The following RARS2 variants were observed in gnomAD, a reference collection of about 807,000 sequenced individuals.
RARS2 encodes the protein probable arginine--tRNA ligase, mitochondrial.
RARS2 carries 67 observed loss-of-function variants against 88.5 expected under a neutral mutation model. The observed-to-expected ratio is 0.76, with a 90% CI of 0.62 to 0.93. The LOEUF (loss-of-function observed/expected upper bound fraction) is 0.93, where lower values mean the gene tolerates loss of function less well. RARS2 is among the 40% of genes least tolerant of loss of function. The pLI is 0.00. For missense variants in RARS2, 664 were observed against 684.2 expected (o/e 0.97, Z 0.33); for synonymous variants, 239 against 230.3 (o/e 1.04, Z -0.34).
intron 1 of RARS2, among the ~76,000 whole-genome samples, chr6:87,577,391 T>C (rs1204217214): frequency 6.6e-6 from 1 of 152,082 alleles, no homozygotes; most frequent in Non-Finnish European, 1.5e-5. Context: ...ACGGCATATC[T>C]CACCTTTGTT....
At chr6:87,573,850 C>G (rs925312911) in intron 1 of RARS2, among the ~76,000 whole-genome samples, 2 of 152,148 alleles carry the variant, frequency 1.3e-5, no homozygotes, top group South Asian at 4.1e-4. Context: ...GCAGCAAATA[C>G]ACAAGACAGA....
intron 8 of RARS2, 132 bp from the exon 9 acceptor site, chr6:87,531,074 G>A (rs2128064795): frequency 1.4e-6 from 2 of 1,427,368 alleles, no homozygotes; most frequent in Non-Finnish European, 1.9e-6. Flanking sequence ...ATTACAGAGT[G>A]TAACTTTTTC....
At chr6:87,536,323 T>C (rs927672775) in intron 8 of RARS2, among the ~76,000 whole-genome samples, 12 of 152,312 alleles carry the variant, frequency 7.9e-5, no homozygotes, top group African/African-American at 9.6e-5. Flanking sequence ...GATTTAACAC[T>C]TGTTAACTTT....
chr6:87,530,069 A>C (rs1459198776), intron 9 of RARS2, among the ~76,000 whole-genome samples: 1 of 152,168 alleles, frequency 6.6e-6, no homozygotes. Flanking sequence ...CTCTTCTGTC[A>C]CACTATTCAC....
At chr6:87,519,208 G>GTGTGTGTGTGTA (rs1210109506) in intron 14 of RARS2, 76 of 257,632 alleles carry the variant, frequency 2.9e-4, no homozygotes, top group South Asian at 7.6e-4. Flanking sequence ...GTGTGTGTGT[G>GTGTGTGTGTGTA]TATATATATA....
Position 87,548,750 on chromosome 6 carries a change from T to C in RARS2, c.396-104A>G, listed in dbSNP as rs1783415974. The C allele has an allele frequency of 3.9e-6, 4 of 1,038,438 alleles. No individual in the cohort carries two copies. The Middle Eastern group carries it at 6.2e-4, about 162-fold the overall frequency. 64.3% of individuals were successfully genotyped at this position (1,038,438 alleles called of 1,614,324 possible). A position where few individuals can be genotyped will look rare whatever the true frequency, so the allele number is the denominator to read the frequency against. On this transcript the variant is annotated intron_variant, in intron 5 of 19. Transcript: ENST00000369536. Reference sequence around the variant, plus strand: ...TTGACAAAACTGTGGAGTATGGCCTTTGGTATTAGGGCAAAGATAAGTTAA... The same window carrying C: ...TTGACAAAACTGTGGAGTATGGCCTCTGGTATTAGGGCAAAGATAAGTTAA...
intron 4 of RARS2, among the ~76,000 whole-genome samples, chr6:87,561,285 A>G (rs919185893): frequency 6.6e-6 from 1 of 152,106 alleles, no homozygotes; most frequent in Non-Finnish European, 1.5e-5. Flanking sequence ...GTTTTATGTG[A>G]TTTTGTTCCC....
chr6:87,532,896 A>G (rs185005743), intron 8 of RARS2, among the ~76,000 whole-genome samples: 22 of 152,364 alleles, frequency 1.4e-4, no homozygotes, highest in Admixed American at 3.3e-4. Flanking sequence ...AAGGGTCCCC[A>G]TAAGATAGTA....
At chr6:87,526,206 G>T (rs34007246) in intron 10 of RARS2, among the ~76,000 whole-genome samples, 4,875 of 152,160 alleles carry the variant, frequency 0.032, 107 homozygotes, top group Middle Eastern at 0.054. Context: ...AATACCCAAA[G>T]CAATATTGAG....
At chr6:87,572,995 T>C (rs1415635707) in intron 1 of RARS2, among the ~76,000 whole-genome samples, 1 of 152,200 alleles carries the variant, frequency 6.6e-6, no homozygotes, top group Non-Finnish European at 1.5e-5. Flanking sequence ...CTAGTTTATC[T>C]TACTCATATG....
In RARS2 at chr6:87,573,669, T is replaced by C. The variant is rs560461713; in HGVS notation, c.37-4079A>G. Among the ~76,000 whole-genome samples, 6 of 152,278 alleles carry C rather than the reference T, an allele frequency of 3.9e-5. No homozygotes were observed. The South Asian group carries it at 6.2e-4, about 16-fold the overall frequency. ...GGCTAAGATGGTAAATTTTACGTTA[T>C]GTGTATTTTTTCACAATTTAAAAAA... On this transcript the variant is annotated intron_variant, in intron 1 of 19. Coordinates refer to ENST00000369536, the MANE Select transcript of RARS2 (RefSeq NM_020320.5).
chr6:87,530,744 A>G, intron 9 of RARS2, 40 bp downstream of exon 9: 1 of 1,602,182 alleles, frequency 6.2e-7, no homozygotes, highest in East Asian at 2.2e-5. Flanking sequence ...CGAGAGCTGC[A>G]CTGCATCATG....
At position 87,528,667 on chromosome 6, in the gene RARS2, T is replaced by A. The variant is rs982926170; in HGVS notation, c.878+875A>T. 2.0e-5 allele frequency among the ~76,000 whole-genome samples: 3 copies of A among 152,194 alleles called. No individual in the cohort carries two copies. The South Asian group carries it at 6.2e-4, about 31-fold the overall frequency. ...AAAACAAATACTGTATAGTCTCACA[T>A]GTGGAATCTAAAAAATTATAATCAT... On this transcript the variant is annotated intron_variant, in intron 10 of 19. Coordinates refer to ENST00000369536, the MANE Select transcript of RARS2 (RefSeq NM_020320.5).
intron 8 of RARS2, among the ~76,000 whole-genome samples, chr6:87,537,143 A>G (rs1562123135): frequency 1.3e-5 from 2 of 152,290 alleles, no homozygotes; most frequent in Admixed American, 6.5e-5. Flanking sequence ...TTCAATTTAG[A>G]GGAAGGCAGG....
intron 1 of RARS2, among the ~76,000 whole-genome samples, chr6:87,580,623 C>G (rs989630861): frequency 4.7e-5 from 7 of 147,716 alleles, no homozygotes; most frequent in Middle Eastern, 3.3e-3. Flanking sequence ...TTTTATTTTT[C>G]AGATTTTTGT....
At chr6:87,541,765 A>C (rs1470871216) in intron 8 of RARS2, among the ~76,000 whole-genome samples, 153 bp downstream of exon 8, 1 of 152,204 alleles carries the variant, frequency 6.6e-6, no homozygotes, top group Non-Finnish European at 1.5e-5. Flanking sequence ...CAGAGGTTGC[A>C]GTGAGCTGAG....
chr6:87,531,370 ATAT>A (rs1275643079), intron 8 of RARS2, among the ~76,000 whole-genome samples: 3 of 152,228 alleles, frequency 2.0e-5, no homozygotes, highest in Non-Finnish European at 4.4e-5. Context: ...TCAAAATGCC[ATAT>A]TATTATCCTG....
rs75592308 is a variant in RARS2, at chr6:87,542,109, G to A, written c.536-115C>T. On this transcript the variant is annotated intron_variant, in intron 7 of 19. Coordinates refer to ENST00000369536, the MANE Select transcript of RARS2 (RefSeq NM_020320.5). ...CAACCTGTCATATTATGTATCCTGA[G>A]AAGTATTACAAAACACACTTTTACC... 60,366 of 784,852 alleles carry A rather than the reference G, an allele frequency of 0.077. 2,483 individuals carry two copies. The highest frequency in any genetic ancestry group is 0.094 in the East Asian group (3,416 of 36,500). The allele number at this position is 784,852 out of a possible 1,614,324, so 48.6% of individuals were successfully genotyped here.
chr6:87,560,687 C>T (rs968309003), intron 4 of RARS2, among the ~76,000 whole-genome samples: 2 of 152,158 alleles, frequency 1.3e-5, no homozygotes, highest in Non-Finnish European at 2.9e-5. Context: ...TTACCCGAGG[C>T]TGGGAGTTCA....
Sources: gnomAD v4.1 joint callset for allele counts (sites outside exome capture counted in the v4.1 genomes callset) on GRCh38, gnomAD v4.1.1 for gene constraint, MANE v1.5 for transcripts, NCBI Gene and HGNC (gene_info 2026-07-23, HGNC 2026-07-21) for gene names.